The following AKR1B1 variants were observed in gnomAD, a reference collection of about 807,000 sequenced individuals.
AKR1B1 encodes the protein aldo-keto reductase family 1 member B1.
A neutral mutation model predicts 40.4 loss-of-function variants in AKR1B1; 22 were observed. The observed-to-expected ratio is 0.54, with a 90% CI of 0.39 to 0.78. The LOEUF is 0.78. Among genes scored for constraint, AKR1B1 ranks in the 30% least tolerant of loss-of-function variants. The pLI, the probability that AKR1B1 is intolerant of heterozygous loss-of-function variation, is 0.00. For synonymous variants in AKR1B1, 157 were observed against 149.9 expected, an observed-to-expected ratio of 1.05 and a Z score of -0.35; for missense variants, 357 against 396.7, an observed-to-expected ratio of 0.90 and a Z score of 0.85.
At chr7:134,447,629 C>T (rs1310259190) in intron 7 of AKR1B1, 4 of 626,404 alleles carry the variant, frequency 6.4e-6, no homozygotes, top group African/African-American at 1.8e-5. Flanking sequence ...CATGAGACCA[C>T]ATGAGGCCCT....
Position 134,442,488 on chromosome 7 carries a change from G to A in AKR1B1, c.*240C>T. On this transcript the variant is annotated 3_prime_UTR_variant, in exon 10 of 10. Transcript: ENST00000285930. ...TTTGCTTCTCTTTGGTCAGAAAAGG[G>A]TATTCAGGTTGTACTTTCCCCAGCA... The A allele has an allele frequency of 2.0e-6, 1 of 492,744 alleles. No homozygotes were observed. Among genetic ancestry groups the A allele is most frequent in the South Asian group, 2.7e-5 (1 of 37,032 alleles). 30.5% of individuals were successfully genotyped at this position (492,744 alleles called of 1,614,324 possible).
At chr7:134,447,079 C>T (rs949775751) in intron 8 of AKR1B1, among the ~76,000 whole-genome samples, 3 of 152,168 alleles carry the variant, frequency 2.0e-5, no homozygotes, top group East Asian at 1.9e-4. Context: ...TAGGTGTATG[C>T]GTGCACAGCA....
At position 134,442,466 on chromosome 7, in the gene AKR1B1, G is replaced by T; in HGVS notation, c.*262C>A. 2.5e-6 allele frequency: 1 copy of T among 400,802 alleles called. No homozygotes were observed. Among genetic ancestry groups the T allele is most frequent in the Non-Finnish European group, 4.5e-6 (1 of 221,138 alleles). The allele number at this position is 400,802 out of a possible 1,614,324, so 24.8% of individuals were successfully genotyped here. On this transcript the variant is annotated 3_prime_UTR_variant, in exon 10 of 10. Transcript: ENST00000285930. ...GCACTATTTTGACCTGGTAGATTTT[G>T]CTTCTCTTTGGTCAGAAAAGGGTAT...
chr7:134,445,228 G>T lies in AKR1B1; in HGVS notation c.908+10C>A, dbSNP rs1562905296. 1 of 1,608,288 alleles carries T rather than the reference G, an allele frequency of 6.2e-7. No homozygotes were observed. On this transcript the variant is annotated intron_variant, in intron 9 of 9. Coordinates refer to ENST00000285930, the MANE Select transcript of AKR1B1 (RefSeq NM_001628.4). ...CCTGGGAACTGCTCCTCACACTGGGGCTCACTCACCTCAACAAGGCACAGA... is the reference window on the plus strand; with the variant it reads ...CCTGGGAACTGCTCCTCACACTGGGTCTCACTCACCTCAACAAGGCACAGA...
chr7:134,445,383 G>A (rs1355535648), intron 8 of AKR1B1, 63 bp from the exon 9 acceptor site: 4 of 1,370,620 alleles, frequency 2.9e-6, no homozygotes, highest in African/African-American at 1.4e-5. Flanking sequence ...AAAATACTGT[G>A]CAGGACCCAG....
intron 1 of AKR1B1, among the ~76,000 whole-genome samples, chr7:134,454,140 C>T (rs1806390494): frequency 6.6e-6 from 1 of 152,206 alleles, no homozygotes; most frequent in Admixed American, 6.5e-5. Flanking sequence ...CATACAAATC[C>T]TACATGTTTC....
intron 8 of AKR1B1, among the ~76,000 whole-genome samples, chr7:134,445,639 T>G (rs952580611): frequency 3.3e-5 from 5 of 152,266 alleles, no homozygotes; most frequent in African/African-American, 4.8e-5. Context: ...GATGTGTCTT[T>G]GCCTCTATTT....
At chr7:134,451,854 T>C in intron 1 of AKR1B1, 101 bp from the exon 2 acceptor site, 1 of 1,339,458 alleles carries the variant, frequency 7.5e-7, no homozygotes, top group African/African-American at 1.4e-5. Flanking sequence ...GCCTGCCACT[T>C]TGTTCAGCAA....
At chr7:134,447,767 T>C (rs1198052454) in intron 7 of AKR1B1, 1 of 664,080 alleles carries the variant, frequency 1.5e-6, no homozygotes, top group Non-Finnish European at 2.7e-6. Flanking sequence ...GCAGTCACCC[T>C]TGCAGTAGTG....
rs150005764 is a variant in AKR1B1 at position 134,448,963 on chromosome 7, C to T, written c.552+34G>A. 1.7e-3 allele frequency: 2,707 copies of T among 1,613,680 alleles called. 10 individuals carry two copies. The highest frequency in any genetic ancestry group is 2.2e-3 in the Non-Finnish European group (2,562 of 1,179,744). On this transcript the variant is annotated intron_variant, in intron 5 of 9. Coordinates refer to ENST00000285930, the MANE Select transcript of AKR1B1 (RefSeq NM_001628.4). ...CCAGCATCAGACAGTAAAACAGCAACGTTGCAATGCCAGTGTCGTTGGGGG... is the reference window on the plus strand; with the variant it reads ...CCAGCATCAGACAGTAAAACAGCAATGTTGCAATGCCAGTGTCGTTGGGGG...
intron 9 of AKR1B1, 198 bp downstream of exon 9, chr7:134,445,040 A>C: frequency 1.5e-6 from 1 of 658,594 alleles, no homozygotes; most frequent in Non-Finnish European, 2.8e-6. Flanking sequence ...AGAAGATATC[A>C]AGAGCGGATC....
At position 134,451,845 on chromosome 7, in the gene AKR1B1, C is replaced by A; in HGVS notation, c.67-92G>T. The A allele has an allele frequency of 5.0e-6, 7 of 1,409,304 alleles. No individual in the cohort carries two copies. The South Asian group carries it at 7.3e-5, about 15-fold the overall frequency. 87.3% of individuals were successfully genotyped at this position (1,409,304 alleles called of 1,614,324 possible). A position where few individuals can be genotyped will look rare whatever the true frequency, so the allele number is the denominator to read the frequency against. ...GCAGCCACCGATACCTGCTGACCAG[C>A]CTGCCACTTTGTTCAGCAAAGACAG... On this transcript the variant is annotated intron_variant, in intron 1 of 9. Coordinates refer to ENST00000285930, the MANE Select transcript of AKR1B1 (RefSeq NM_001628.4).
chr7:134,447,970 G>T lies in AKR1B1; in HGVS notation c.741+10C>A, dbSNP rs753723938. 4 of 1,610,016 alleles carry T rather than the reference G, an allele frequency of 2.5e-6. No homozygotes were observed. The highest frequency in any genetic ancestry group is 3.4e-6 in the Non-Finnish European group (4 of 1,178,398). ...TTGTGGACGGTCAGCAACACCTGAA[G>T]TGGCTGTACCTGGGCTGTAGTTTTA... On this transcript the variant is annotated intron_variant, in intron 7 of 9. Transcript: ENST00000285930.
chr7:134,448,125 C>A, intron 6 of AKR1B1, 64 bp from the exon 7 acceptor site: 1 of 1,383,726 alleles, frequency 7.2e-7, no homozygotes, highest in Non-Finnish European at 1.0e-6. Context: ...GCCAGAAACC[C>A]CAACCCTAAT....
At position 134,451,766 on chromosome 7, in the gene AKR1B1, A is replaced by G. The variant is rs1323662926; in HGVS notation, c.67-13T>C. The stretch of plus-strand genomic sequence containing the variant: ...GCCCTGGAGGGGACTGAAAGGAGAA[A>G]GAACGTGAGCCCCGCAGAATGCAGA... On this transcript the variant is annotated splice_polypyrimidine_tract_variant and intron_variant, in intron 1 of 9. Coordinates refer to ENST00000285930, the MANE Select transcript of AKR1B1 (RefSeq NM_001628.4). 6.2e-7 allele frequency: 1 copy of G among 1,613,810 alleles called. No homozygotes were observed. Among genetic ancestry groups the G allele is most frequent in the Non-Finnish European group, 8.5e-7 (1 of 1,179,880 alleles).
rs767097919 is a variant in AKR1B1 at position 134,451,756 on chromosome 7, G to A, written c.67-3C>T. Reference sequence around the variant, plus strand: ...TCAGTCACCTGCCCTGGAGGGGACTGAAAGGAGAAAGAACGTGAGCCCCGC... The same window carrying A: ...TCAGTCACCTGCCCTGGAGGGGACTAAAAGGAGAAAGAACGTGAGCCCCGC... On this transcript the variant is annotated splice_region_variant and splice_polypyrimidine_tract_variant and intron_variant, in intron 1 of 9. Coordinates refer to ENST00000285930, the MANE Select transcript of AKR1B1 (RefSeq NM_001628.4). 1 of 1,613,970 alleles carries A rather than the reference G, an allele frequency of 6.2e-7. No homozygotes were observed.
rs774302005 is a variant in AKR1B1, at chr7:134,448,983, TG to T, written c.552+13del. 3 of 1,613,854 alleles carry T rather than the reference TG, an allele frequency of 1.9e-6. No homozygotes were observed. The African/African-American group carries it at 4.0e-5, about 22-fold the overall frequency. On this transcript the variant is annotated intron_variant, in intron 5 of 9. Transcript: ENST00000285930. Reference sequence around the variant, plus strand: ...AGCAACGTTGCAATGCCAGTGTCGTTGGGGGATGTTTACCTGGTTAACTGCA... The same window carrying T: ...AGCAACGTTGCAATGCCAGTGTCGTTGGGGATGTTTACCTGGTTAACTGCA...
At chr7:134,449,917 G>C (rs1056978312) in intron 3 of AKR1B1, 120 bp from the exon 4 acceptor site, 2 of 837,058 alleles carry the variant, frequency 2.4e-6, no homozygotes, top group Admixed American at 3.6e-5. Context: ...GGGATAATCT[G>C]TGTGCCACTA....
At position 134,451,676 on chromosome 7, in the gene AKR1B1, C is replaced by T. The variant is rs761437982; in HGVS notation, c.144G>A (p.Val48=). 17 of 1,614,072 alleles carry T rather than the reference C, an allele frequency of 1.1e-5. No individual in the cohort carries two copies. Among genetic ancestry groups the T allele is most frequent in the Admixed American group, 6.7e-5 (4 of 59,998 alleles). Reference sequence around the variant, plus strand: ...CCCCCACCTCATTCTCATTCTGGTACACATGGGCACAGTCGATGTGGCGGT... The same window carrying T: ...CCCCCACCTCATTCTCATTCTGGTATACATGGGCACAGTCGATGTGGCGGT... ...VGYRHIDCAH[V]YQNENEVGVA... Residue 48 remains valine, a synonymous_variant, in exon 2 of 10, where the codon GTG becomes GTA. Transcript: ENST00000285930.
Sources: gnomAD v4.1 joint callset for allele counts (sites outside exome capture counted in the v4.1 genomes callset) on GRCh38, gnomAD v4.1.1 for gene constraint, MANE v1.5 for transcripts, NCBI Gene and HGNC (gene_info 2026-07-23, HGNC 2026-07-21) for gene names.